RAB37: variants seen among roughly 807,000 people sequenced by gnomAD.
RAB37 encodes the protein ras-related protein Rab-37.
Under a neutral mutation model 33.1 loss-of-function variants are expected in RAB37, and 29 were observed. The ratio of observed to expected loss-of-function variants is 0.88; its 90% CI spans 0.65 to 1.20. The LOEUF is 1.20. Ranked by LOEUF, RAB37 falls within the 50% of genes most tolerant of loss-of-function variation. The probability of loss-of-function intolerance (pLI) is 0.00; values close to 1 mark genes in which losing one functional copy is unlikely to be tolerated. For synonymous variants in RAB37, 128 were observed against 119.5 expected (o/e 1.07, Z -0.47); for missense variants, 299 against 301.1 (o/e 0.99, Z 0.05).
At chr17:74,706,059 T>C (rs572919549) in intron 1 of RAB37, among the ~76,000 whole-genome samples, 1 of 151,808 alleles carries the variant, frequency 6.6e-6, no homozygotes, top group South Asian at 2.1e-4. Context: ...TGCATGGACA[T>C]AAAGATGGGA....
intron 1 of RAB37, among the ~76,000 whole-genome samples, chr17:74,726,237 A>G (rs2034305751): frequency 6.6e-6 from 1 of 150,930 alleles, no homozygotes; most frequent in Non-Finnish European, 1.5e-5. Flanking sequence ...TCTGCCTAAA[A>G]AAAAAAAAAA....
At chr17:74,690,680 G>A (rs1281333363) in intron 1 of RAB37, among the ~76,000 whole-genome samples, 6 of 152,140 alleles carry the variant, frequency 3.9e-5, no homozygotes, top group African/African-American at 1.4e-4. Context: ...TGAGCAAACC[G>A]GGCTGGATTA....
intron 1 of RAB37, among the ~76,000 whole-genome samples, chr17:74,705,973 C>G (rs536226719): frequency 2.6e-5 from 4 of 152,152 alleles, no homozygotes; most frequent in Non-Finnish European, 5.9e-5. Context: ...GGCCATTATC[C>G]TAAGTGAATT....
intron 1 of RAB37, chr17:74,704,915 T>A: frequency 1.1e-6 from 1 of 938,132 alleles, no homozygotes; most frequent in Non-Finnish European, 1.6e-6. Context: ...TTTCACAGGT[T>A]AAATAACAGT....
At position 74,743,182 on chromosome 17, in the gene RAB37, C is replaced by A; in HGVS notation, c.300C>A (p.Tyr100Ter). 2 of 1,613,846 alleles carry A rather than the reference C, an allele frequency of 1.2e-6. No individual in the cohort carries two copies. The highest frequency in any genetic ancestry group is 1.7e-6 in the Non-Finnish European group (2 of 1,179,820). ...ERFRSVTHAY[Y>*]RDAQALLLLY... Reference sequence around the variant, plus strand: ...TCCGAAGCGTCACCCATGCTTATTACAGAGATGCTCAGGGTGAGTCCCTCG... The same window carrying A: ...TCCGAAGCGTCACCCATGCTTATTAAAGAGATGCTCAGGGTGAGTCCCTCG... Residue 100 changes from tyrosine to a stop codon, truncating the protein, a stop_gained, in exon 4 of 9, where the codon TAC becomes TAA. Coordinates refer to ENST00000392613, the MANE Select transcript of RAB37 (RefSeq NM_001006638.3). LOFTEE classifies it high-confidence loss of function.
Position 74,744,787 on chromosome 17 carries a change from G to A in RAB37, c.433-86G>A. 5.3e-6 allele frequency: 8 copies of A among 1,512,270 alleles called. No individual in the cohort carries two copies. The highest frequency in any genetic ancestry group is 7.4e-6 in the Non-Finnish European group (8 of 1,087,718). The allele number at this position is 1,512,270 out of a possible 1,614,324, so 93.7% of individuals were successfully genotyped here. On this transcript the variant is annotated intron_variant, in intron 6 of 8. Transcript: ENST00000392613. The surrounding 1 kb of genome is among the most constrained non-coding windows in gnomAD (Gnocchi z 4.2). ...CAGTCCCTTGGGCCACCAGCAGAGGGCAGGCAACGCCTGCTTCTGGGGCAA... is the reference window on the plus strand; with the variant it reads ...CAGTCCCTTGGGCCACCAGCAGAGGACAGGCAACGCCTGCTTCTGGGGCAA...
chr17:74,710,376 G>A (rs2033856802), intron 1 of RAB37, among the ~76,000 whole-genome samples: 1 of 152,162 alleles, frequency 6.6e-6, no homozygotes, highest in East Asian at 1.9e-4. Context: ...AAATGAAAAA[G>A]TATTTTAATT....
upstream of RAB37, chr17:74,737,132 C>G (rs764425740): frequency 1.3e-6 from 2 of 1,539,444 alleles, no homozygotes; most frequent in Non-Finnish European, 1.8e-6. Context: ...GAGCCGGTGT[C>G]GTCGAGGGGG....
At chr17:74,678,364 C>T (rs2031885395) in intron 1 of RAB37, among the ~76,000 whole-genome samples, 1 of 152,166 alleles carries the variant, frequency 6.6e-6, no homozygotes, top group Non-Finnish European at 1.5e-5. Context: ...GGAGCAAGGC[C>T]TTGAGTGGTG....
intron 1 of RAB37, among the ~76,000 whole-genome samples, chr17:74,728,259 CAT>C (rs1273160731): frequency 2.0e-5 from 3 of 150,906 alleles, no homozygotes; most frequent in Non-Finnish European, 4.4e-5. Context: ...TGTTGGTGTA[CAT>C]GTGTTTCCAC....
rs200513132 is a variant in RAB37 at position 74,744,318 on chromosome 17, C to A, written c.377C>A (p.Thr126Asn). The A allele has an allele frequency of 1.4e-5, 23 of 1,613,730 alleles. No homozygotes were observed. Among genetic ancestry groups the A allele is most frequent in the Middle Eastern group, 3.3e-4 (2 of 6,080 alleles). Residue 126 changes from threonine to asparagine, a missense_variant, in exon 6 of 9, where the codon ACT becomes AAT. Coordinates refer to ENST00000392613, the MANE Select transcript of RAB37 (RefSeq NM_001006638.3). The surrounding 1 kb of genome is among the most constrained non-coding windows in gnomAD (Gnocchi z 4.2). ...SSFDNIRAWL[T>N]EIHEYAQRDV... ...CGCCCTCTCCCACAGGCCTGGCTCA[C>A]TGAGATTCATGAGTATGCCCAGAGG...
chr17:74,696,663 G>A (rs543917292), intron 1 of RAB37, among the ~76,000 whole-genome samples: 14 of 152,198 alleles, frequency 9.2e-5, no homozygotes, highest in Admixed American at 5.9e-4. Flanking sequence ...GGCCCCCGGG[G>A]GGCACTTGCT....
chr17:74,703,248 C>A, intron 1 of RAB37: 1 of 819,360 alleles, frequency 1.2e-6, no homozygotes, highest in Non-Finnish European at 2.0e-6. Context: ...GTCTGGACTG[C>A]TACTATGGGA....
chr17:74,682,570 G>A (rs963161724), intron 1 of RAB37, among the ~76,000 whole-genome samples: 4 of 152,216 alleles, frequency 2.6e-5, no homozygotes, highest in African/African-American at 9.6e-5. Flanking sequence ...TGTCCACCCC[G>A]AAGGTGGAGT....
chr17:74,744,700 A>C lies in RAB37; in HGVS notation c.433-173A>C. ...TCCAAGACCCTTTACCAAAGGTGAG[A>C]TCCCAGAGCTGGGAGCTACACTGGG... On this transcript the variant is annotated intron_variant, in intron 6 of 8. Transcript: ENST00000392613. This position sits in a 1 kb window ranked among gnomAD's most constrained non-coding sequence, Gnocchi z 4.2. The C allele has an allele frequency of 1.4e-6, 1 of 737,566 alleles. No homozygotes were observed. The allele number at this position is 737,566 out of a possible 1,614,324, so 45.7% of individuals were successfully genotyped here.
chr17:74,700,613 A>C (rs759862891), intron 1 of RAB37, among the ~76,000 whole-genome samples: 20 of 152,028 alleles, frequency 1.3e-4, no homozygotes, highest in Non-Finnish European at 1.9e-4. Flanking sequence ...GTGGTGGTGC[A>C]TTCCTGTAAT....
At chr17:74,726,866 G>A (rs909259856) in intron 1 of RAB37, among the ~76,000 whole-genome samples, 1 of 152,206 alleles carries the variant, frequency 6.6e-6, no homozygotes, top group Non-Finnish European at 1.5e-5. Flanking sequence ...GCACCTCCTA[G>A]TCCTTTCACA....
At position 74,745,529 on chromosome 17, in the gene RAB37, C is replaced by A; in HGVS notation, c.*118C>A. 1.3e-6 allele frequency: 1 copy of A among 765,992 alleles called. No homozygotes were observed. 47.4% of individuals were successfully genotyped at this position (765,992 alleles called of 1,614,324 possible). Reference sequence around the variant, plus strand: ...GGAGAAAGATGGAGGACTCACTGCACAGCCGCTTCCTAGCAGGGAGCTATA... The same window carrying A: ...GGAGAAAGATGGAGGACTCACTGCAAAGCCGCTTCCTAGCAGGGAGCTATA... On this transcript the variant is annotated 3_prime_UTR_variant, in exon 9 of 9. Coordinates refer to ENST00000392613, the MANE Select transcript of RAB37 (RefSeq NM_001006638.3). This position sits in a 1 kb window ranked among gnomAD's most constrained non-coding sequence, Gnocchi z 4.5.
chr17:74,729,108 G>T lies in RAB37; in HGVS notation c.73-148G>T, dbSNP rs559749652. 84 of 663,510 alleles carry T rather than the reference G, an allele frequency of 1.3e-4. No individual in the cohort carries two copies. In the East Asian group the frequency reaches 2.3e-3, roughly 18 times the overall value. The allele number at this position is 663,510 out of a possible 1,614,324, so 41.1% of individuals were successfully genotyped here. On this transcript the variant is annotated intron_variant, in intron 1 of 7. Transcript: ENST00000340415. The surrounding 1 kb of genome is among the most constrained non-coding windows in gnomAD (Gnocchi z 4.2). ...TTTCTATGTCTGTATGTGTGTGTCA[G>T]TGTCTTGTGTGTGTGTGTTTCTGTG...
Sources: allele counts gnomAD v4.1 joint callset (sites outside exome capture counted in the v4.1 genomes callset), GRCh38; gene constraint gnomAD v4.1.1; non-coding constraint Gnocchi (gnomAD v3.1); transcripts MANE v1.5; gene names NCBI Gene and HGNC (gene_info 2026-07-23, HGNC 2026-07-21).